IKZF1: variants seen among roughly 807,000 people sequenced by gnomAD.
The protein encoded by IKZF1 is IKAROS family zinc finger 1.
IKZF1 carries 10 observed loss-of-function variants against 51.7 expected under a neutral mutation model. The observed-to-expected ratio is 0.19, with a 90% CI of 0.12 to 0.33. The LOEUF is 0.33. Among genes scored for constraint, IKZF1 ranks in the 10% least tolerant of loss-of-function variants. The pLI is 1.00. For missense variants in IKZF1, 484 were observed against 707.5 expected, an observed-to-expected ratio of 0.68 and a Z score of 3.58; for synonymous variants, 280 against 282.3, an observed-to-expected ratio of 0.99 and a Z score of 0.08.
intron 2 of IKZF1, among the ~76,000 whole-genome samples, chr7:50,324,814 G>A (rs1794439805): frequency 6.6e-6 from 1 of 152,128 alleles, no homozygotes; most frequent in Non-Finnish European, 1.5e-5. Context: ...CATGCACTGA[G>A]CGGAAAGTAC....
chr7:50,373,535 G>A (rs1056787154), intron 3 of IKZF1, among the ~76,000 whole-genome samples: 1 of 152,198 alleles, frequency 6.6e-6, no homozygotes, highest in African/African-American at 2.4e-5. Context: ...AGCCTCGGAA[G>A]CACTAGGCCT....
At chr7:50,312,869 A>G (rs552150976) in intron 1 of IKZF1, among the ~76,000 whole-genome samples, 42 of 152,354 alleles carry the variant, frequency 2.8e-4, no homozygotes, top group African/African-American at 9.1e-4. Flanking sequence ...GTGAAAGCCA[A>G]ATTGGATTCC....
chr7:50,393,002 G>A (rs73348161), intron 7 of IKZF1, among the ~76,000 whole-genome samples: 1 of 152,140 alleles, frequency 6.6e-6, no homozygotes, highest in Non-Finnish European at 1.5e-5. Flanking sequence ...CCAGGTGAGC[G>A]AGGGACCCTT....
intron 3 of IKZF1, among the ~76,000 whole-genome samples, chr7:50,334,308 G>C (rs1293756320): frequency 1.3e-5 from 2 of 152,190 alleles, no homozygotes; most frequent in Admixed American, 6.5e-5. Flanking sequence ...AAATTGATGT[G>C]TGTGTGTTTG....
chr7:50,350,300 CT>C (rs1382940516), intron 3 of IKZF1, among the ~76,000 whole-genome samples: 1 of 152,246 alleles, frequency 6.6e-6, no homozygotes, highest in Non-Finnish European at 1.5e-5. Context: ...GCTCCAGAGG[CT>C]GGTCCCTGAC....
intron 3 of IKZF1, chr7:50,368,032 G>T: frequency 1.4e-6 from 1 of 701,688 alleles, no homozygotes; most frequent in Non-Finnish European, 2.6e-6. Flanking sequence ...TGACTTTAGG[G>T]ATTTCCATGC....
chr7:50,309,408 TTCTC>T (rs1228231839), intron 1 of IKZF1, among the ~76,000 whole-genome samples: 3 of 152,190 alleles, frequency 2.0e-5, no homozygotes, highest in Non-Finnish European at 2.9e-5. Context: ...CTCCCTTGTC[TTCTC>T]TGTCATTCCC....
At chr7:50,396,803 C>T (rs915530344) in intron 7 of IKZF1, among the ~76,000 whole-genome samples, 1 of 152,178 alleles carries the variant, frequency 6.6e-6, no homozygotes, top group African/African-American at 2.4e-5. Context: ...TTTTCCTTTG[C>T]TCTCTCTCCC....
At chr7:50,325,545 A>G (rs903008105) in intron 2 of IKZF1, among the ~76,000 whole-genome samples, 7 of 152,178 alleles carry the variant, frequency 4.6e-5, no homozygotes, top group African/African-American at 9.7e-5. Flanking sequence ...AGGCCAAGGC[A>G]GGCAGATCAC....
At chr7:50,304,988 A>C (rs1011097464) in intron 1 of IKZF1, 66 bp downstream of exon 1, 3 of 152,576 alleles carry the variant, frequency 2.0e-5, no homozygotes, top group Non-Finnish European at 2.9e-5. Flanking sequence ...AAAAAAAAAA[A>C]AACACAGTAA....
chr7:50,375,688 C>T (rs1810028067), intron 3 of IKZF1, among the ~76,000 whole-genome samples: 1 of 147,100 alleles, frequency 6.8e-6, no homozygotes, highest in African/African-American at 2.5e-5. Context: ...ATTCAAGACA[C>T]TAAAAGTTCA....
intron 3 of IKZF1, among the ~76,000 whole-genome samples, chr7:50,360,574 G>A (rs538638878): frequency 5.9e-5 from 9 of 152,234 alleles, no homozygotes; most frequent in African/African-American, 1.4e-4. Context: ...CTTTTACACC[G>A]GCAGCAACAG....
intron 3 of IKZF1, among the ~76,000 whole-genome samples, chr7:50,374,517 T>C (rs933919420): frequency 6.6e-6 from 1 of 152,198 alleles, no homozygotes; most frequent in African/African-American, 2.4e-5. Flanking sequence ...TCTTCAACTG[T>C]AAAATAGGAT....
chr7:50,400,731 C>G lies in IKZF1; in HGVS notation c.*104C>G. On this transcript the variant is annotated 3_prime_UTR_variant, in exon 8 of 8. Coordinates refer to ENST00000331340, the MANE Select transcript of IKZF1 (RefSeq NM_006060.6). This position sits in a 1 kb window ranked among gnomAD's most constrained non-coding sequence, Gnocchi z 5.4. ...GCAGCATAGACTGGACTGGACCAGA[C>G]AATGTTGTGTTTGGATTTGTAACTG... 7.5e-7 allele frequency: 1 copy of G among 1,329,114 alleles called. No individual in the cohort carries two copies. Among genetic ancestry groups the G allele is most frequent in the Non-Finnish European group, 1.0e-6 (1 of 982,594 alleles). The allele number at this position is 1,329,114 out of a possible 1,614,324, so 82.3% of individuals were successfully genotyped here. A position where few individuals can be genotyped will look rare whatever the true frequency, so the allele number is the denominator to read the frequency against.
At chr7:50,325,240 C>T (rs929542325) in intron 2 of IKZF1, among the ~76,000 whole-genome samples, 1 of 149,464 alleles carries the variant, frequency 6.7e-6, no homozygotes, top group South Asian at 2.1e-4. Context: ...TTTTGTTATT[C>T]TTACCCCCAC....
At chr7:50,310,590 G>A (rs1168701495) in intron 1 of IKZF1, among the ~76,000 whole-genome samples, 1 of 152,148 alleles carries the variant, frequency 6.6e-6, no homozygotes, top group Admixed American at 6.5e-5. Flanking sequence ...TCCTGGTGGG[G>A]CCTGATACCC....
At chr7:50,375,804 A>G (rs945687574) in intron 3 of IKZF1, among the ~76,000 whole-genome samples, 1 of 150,996 alleles carries the variant, frequency 6.6e-6, no homozygotes, top group African/African-American at 2.4e-5. Context: ...TATCCCAATT[A>G]ACCCTTCAGC....
intron 2 of IKZF1, among the ~76,000 whole-genome samples, chr7:50,319,339 C>T (rs547659562): frequency 2.6e-5 from 4 of 151,584 alleles, no homozygotes; most frequent in South Asian, 2.1e-4. Flanking sequence ...GAAAAAAAAA[C>T]GGGAAGAGTT....
chr7:50,326,029 A>T (rs974995833), intron 2 of IKZF1, among the ~76,000 whole-genome samples: 1 of 152,350 alleles, frequency 6.6e-6, no homozygotes, highest in South Asian at 2.1e-4. Context: ...TTAAATTGTG[A>T]TGTCTGTTTT....
Sources: gnomAD v4.1 joint callset for allele counts (sites outside exome capture counted in the v4.1 genomes callset) on GRCh38, gnomAD v4.1.1 for gene constraint, Gnocchi (gnomAD v3.1) non-coding constraint, MANE v1.5 for transcripts, NCBI Gene and HGNC (gene_info 2026-07-23, HGNC 2026-07-21) for gene names.